Variants in USP18 observed in about 807,000 individuals in gnomAD.
The protein encoded by USP18 is ubiquitin specific peptidase 18, also known as ubl carboxyl-terminal hydrolase 18.
In USP18, 11 loss-of-function variants were observed where a neutral mutation model predicts 48.7. The observed-to-expected ratio is 0.23, with a 90% CI of 0.14 to 0.37. USP18 has a LOEUF of 0.37. Among genes scored for constraint, USP18 ranks in the 10% least tolerant of loss-of-function variants. The probability of loss-of-function intolerance (pLI) is 1.00; values close to 1 mark genes in which losing one functional copy is unlikely to be tolerated. For synonymous variants in USP18, 114 were observed against 163.2 expected, an observed-to-expected ratio of 0.70 and a Z score of 2.30; for missense variants, 285 against 436.4, an observed-to-expected ratio of 0.65 and a Z score of 3.09.
At chr22:18,172,153 G>C (rs1231899168) in intron 8 of USP18, among the ~76,000 whole-genome samples, 1 of 152,174 alleles carries the variant, frequency 6.6e-6, no homozygotes, top group Non-Finnish European at 1.5e-5. Flanking sequence ...ATACCAAAGT[G>C]TGTAGTGAAG....
intron 1 of USP18, among the ~76,000 whole-genome samples, chr22:18,152,362 C>T (rs1015133554): frequency 1.3e-5 from 2 of 151,340 alleles, no homozygotes. Flanking sequence ...GGTCCTGGGG[C>T]TTCTTTAGTG....
intron 1 of USP18, among the ~76,000 whole-genome samples, chr22:18,156,616 C>T (rs1267901782): frequency 6.6e-6 from 1 of 151,944 alleles, no homozygotes; most frequent in African/African-American, 2.4e-5. Context: ...AGCGACACCA[C>T]GAACCCACCG....
At chr22:18,165,568 T>C (rs1929451320) in intron 4 of USP18, among the ~76,000 whole-genome samples, 1 of 146,076 alleles carries the variant, frequency 6.8e-6, no homozygotes, top group Admixed American at 6.9e-5. Context: ...ACCTTTCGCC[T>C]ACCCCTCTCC....
intron 2 of USP18, among the ~76,000 whole-genome samples, chr22:18,159,475 AGAAAAACATT>A (rs1929260695): frequency 1.3e-5 from 2 of 151,604 alleles, no homozygotes; most frequent in South Asian, 4.2e-4. Flanking sequence ...AGTAGCTTTA[AGAAAAACATT>A]AGATTTTTGT....
chr22:18,161,988 G>A, intron 4 of USP18, 53 bp downstream of exon 4: 1 of 1,552,602 alleles, frequency 6.4e-7, no homozygotes, highest in South Asian at 1.2e-5. Flanking sequence ...GGGATGGGAA[G>A]CTTAGAGAGT....
intron 6 of USP18, among the ~76,000 whole-genome samples, chr22:18,169,032 G>A (rs2123738983): frequency 6.6e-6 from 1 of 152,054 alleles, no homozygotes; most frequent in East Asian, 1.9e-4. Context: ...CATTAAGGGG[G>A]ATATGAGGAG....
intron 4 of USP18, among the ~76,000 whole-genome samples, 157 bp downstream of exon 4, chr22:18,162,092 A>G (rs1178030592): frequency 1.3e-5 from 2 of 152,156 alleles, no homozygotes; most frequent in Non-Finnish European, 2.9e-5. Context: ...AGAGGCACAC[A>G]TCTTTGGAGG....
intron 10 of USP18, among the ~76,000 whole-genome samples, chr22:18,174,155 T>A (rs750441852): frequency 4.0e-4 from 61 of 152,182 alleles, no homozygotes; most frequent in Non-Finnish European, 7.9e-4. Context: ...CTCATGGCCT[T>A]TTCCTATCCT....
intron 2 of USP18, among the ~76,000 whole-genome samples, chr22:18,159,771 G>A (rs924082574): frequency 2.0e-5 from 3 of 148,428 alleles, no homozygotes; most frequent in East Asian, 2.0e-4. Flanking sequence ...CGCCTCCTGG[G>A]TTCACACCAT....
intron 10 of USP18, among the ~76,000 whole-genome samples, chr22:18,174,421 G>A (rs1439348147): frequency 1.3e-5 from 2 of 151,488 alleles, no homozygotes; most frequent in African/African-American, 4.8e-5. Flanking sequence ...TAGTAGAGAC[G>A]GTGTTTCACC....
At chr22:18,175,223 A>T (rs1326210209) in intron 10 of USP18, among the ~76,000 whole-genome samples, 2 of 152,186 alleles carry the variant, frequency 1.3e-5, no homozygotes, top group Non-Finnish European at 2.9e-5. Context: ...ATAATCATTA[A>T]CTACCGAGGA....
rs889122311 is a variant in USP18, at chr22:18,157,814, C to G, written c.151C>G (p.Pro51Ala). The G allele has an allele frequency of 6.2e-7, 1 of 1,614,034 alleles. No homozygotes were observed. Among genetic ancestry groups the G allele is most frequent in the African/African-American group, 1.3e-5 (1 of 75,020 alleles). ...PRERPRAWDY[P>A]HGLVGLHNIG... is the part of the protein sequence containing the mutation. ...AGAGCGTCCCAGGGCCTGGGACTAC[C>G]CTCATGGTCATTAGACCCCTCCCGT... is the stretch of plus-strand genomic sequence containing the variant. Residue 51 changes from proline to alanine, a missense_variant, in exon 2 of 11, where the codon CCT becomes GCT. By Grantham distance (27) the Pro-to-Ala change is conservative. Around this residue, in one of 5 missense-constraint regions of USP18, gnomAD observed 199 missense variants for 239.6 expected, o/e 0.83. Coordinates refer to ENST00000215794, the MANE Select transcript of USP18 (RefSeq NM_017414.4).
chr22:18,169,741 C>T (rs1242883209), intron 6 of USP18, 103 bp from the exon 7 acceptor site: 3 of 1,330,842 alleles, frequency 2.3e-6, no homozygotes, highest in African/African-American at 1.5e-5. Context: ...ATAAATTACC[C>T]AGTCTCAGCT....
At chr22:18,164,328 C>G (rs1240998679) in intron 4 of USP18, among the ~76,000 whole-genome samples, 3 of 151,834 alleles carry the variant, frequency 2.0e-5, no homozygotes, top group South Asian at 2.1e-4. Context: ...TCACGCTGCA[C>G]TGGGCCTGGG....
chr22:18,163,223 G>A (rs187071968), intron 4 of USP18, among the ~76,000 whole-genome samples: 1 of 152,150 alleles, frequency 6.6e-6, no homozygotes, highest in East Asian at 1.9e-4. Context: ...TGTAAGGTAA[G>A]TCACTTATCT....
chr22:18,172,958 C>A (rs1929675308), intron 8 of USP18, among the ~76,000 whole-genome samples, 192 bp from the exon 9 acceptor site: 1 of 151,082 alleles, frequency 6.6e-6, no homozygotes, highest in Admixed American at 6.6e-5. Context: ...CCCTGCCAAG[C>A]TGCTGAGCCT....
At chr22:18,170,290 G>C (rs910742546) in intron 7 of USP18, among the ~76,000 whole-genome samples, 12 of 152,038 alleles carry the variant, frequency 7.9e-5, no homozygotes, top group Non-Finnish European at 1.6e-4. Context: ...TTTCCTGATA[G>C]AATCATCAGA....
chr22:18,156,853 A>C (rs9618220), intron 1 of USP18, among the ~76,000 whole-genome samples: 1,890 of 152,294 alleles, frequency 0.012, 31 homozygotes, highest in African/African-American at 0.043. Context: ...GAGACCAAGC[A>C]CCCACCAATT....
chr22:18,166,704 T>C (rs190608435), intron 4 of USP18, among the ~76,000 whole-genome samples: 1 of 152,076 alleles, frequency 6.6e-6, no homozygotes, highest in East Asian at 1.9e-4. Flanking sequence ...CAGGTCTTAC[T>C]TGGGCATGCG....
Sources: allele counts gnomAD v4.1 joint callset (sites outside exome capture counted in the v4.1 genomes callset), GRCh38; gene constraint gnomAD v4.1.1; regional missense constraint gnomAD v4.1.1; transcripts MANE v1.5; gene names NCBI Gene and HGNC (gene_info 2026-07-23, HGNC 2026-07-21).